The following GABRR3 variants were observed in gnomAD, a reference collection of about 807,000 sequenced individuals.
GABRR3 encodes gamma-aminobutyric acid receptor subunit rho-3.
A neutral mutation model predicts 43.2 loss-of-function variants in GABRR3; 29 were observed. That is an observed-to-expected ratio of 0.67 (90% CI 0.50 to 0.92). The LOEUF (loss-of-function observed/expected upper bound fraction) is 0.92, where lower values mean the gene tolerates loss of function less well. Ranked by LOEUF, GABRR3 falls within the 40% of genes least tolerant of loss-of-function variation. The pLI, the probability that GABRR3 is intolerant of heterozygous loss-of-function variation, is 0.00. For synonymous variants in GABRR3, 206 were observed against 195.9 expected (o/e 1.05, Z -0.43); for missense variants, 576 against 572.3 (o/e 1.01, Z -0.07).
In GABRR3 at chr3:97,992,830, G is replaced by A. The variant is rs372773991; in HGVS notation, c.1104+22C>T. On this transcript the variant is annotated intron_variant, in intron 9 of 9. Transcript: ENST00000621172. ...CTTTTCCACATTCCCCAAGGGATCT[G>A]ATAGTCAGAGCAAGGCTGTACCTTT... 11 of 1,573,150 alleles carry A rather than the reference G, an allele frequency of 7.0e-6. No individual in the cohort carries two copies. In the African/African-American group the frequency reaches 1.5e-4, roughly 21 times the overall value.
chr3:97,997,214 G>A (rs1024290887), intron 8 of GABRR3, among the ~76,000 whole-genome samples: 6 of 152,134 alleles, frequency 3.9e-5, no homozygotes, highest in African/African-American at 9.7e-5. Context: ...ATCACTGAAG[G>A]CTTTCGGCCA....
chr3:98,010,048 C>T (rs1464947867), intron 5 of GABRR3, among the ~76,000 whole-genome samples: 1 of 152,180 alleles, frequency 6.6e-6, no homozygotes, highest in African/African-American at 2.4e-5. Context: ...ATTGGCTCTG[C>T]TGTTGGCTGG....
At chr3:98,026,980 G>A (rs546363755) in intron 2 of GABRR3, among the ~76,000 whole-genome samples, 1 of 152,258 alleles carries the variant, frequency 6.6e-6, no homozygotes. Flanking sequence ...AAATGCAGAA[G>A]TTGGGAAAAG....
intron 3 of GABRR3, 133 bp downstream of exon 3, chr3:98,025,434 G>A (rs1468585666): frequency 1.2e-5 from 7 of 582,178 alleles, no homozygotes; most frequent in Non-Finnish European, 1.8e-5. Context: ...TAAAGAGAAG[G>A]TGATTGTAAA....
intron 3 of GABRR3, among the ~76,000 whole-genome samples, chr3:98,018,566 C>T (rs1448210856): frequency 6.6e-6 from 1 of 152,066 alleles, no homozygotes; most frequent in Non-Finnish European, 1.5e-5. Context: ...TTCACCACTT[C>T]CAGTGTGAGT....
chr3:97,998,450 T>C (rs527962641), intron 8 of GABRR3: 3 of 152,270 alleles, frequency 2.0e-5, no homozygotes, highest in South Asian at 2.1e-4. Context: ...GATAGACCAA[T>C]GGATTGTAAT....
chr3:97,995,753 C>T (rs974849548), intron 8 of GABRR3, among the ~76,000 whole-genome samples: 2 of 152,086 alleles, frequency 1.3e-5, no homozygotes, highest in African/African-American at 2.4e-5. Context: ...ATATCTTGCG[C>T]CACCCCTCAA....
At chr3:98,018,321 T>C (rs1706899070) in intron 3 of GABRR3, among the ~76,000 whole-genome samples, 1 of 152,300 alleles carries the variant, frequency 6.6e-6, no homozygotes, top group African/African-American at 2.4e-5. Flanking sequence ...TTCCGAAGTG[T>C]CCCTTTGCAG....
chr3:98,003,482 T>C (rs568152726), intron 7 of GABRR3, among the ~76,000 whole-genome samples: 2 of 151,084 alleles, frequency 1.3e-5, no homozygotes, highest in East Asian at 3.9e-4. Context: ...TGTGGCTCTG[T>C]CTTGTGGTTT....
Position 98,033,804 on chromosome 3 carries a change from AGGTCTG to A in GABRR3, c.125+1053_125+1058del, listed in dbSNP as rs923603533. Among the ~76,000 whole-genome samples the A allele has an allele frequency of 1.2e-4, 18 of 152,288 alleles. 1 individual carries two copies. Among genetic ancestry groups the A allele is most frequent in the Non-Finnish European group, 8.8e-5 (6 of 68,022 alleles). On this transcript the variant is annotated intron_variant, in intron 2 of 9. Transcript: ENST00000621172. ...ATGGAACAAGACTTCATATCATCTC[AGGTCTG>A]GGTCTGGGAGCAGAAGCATGGAAGG...
At chr3:98,024,749 G>A (rs891540774) in intron 3 of GABRR3, among the ~76,000 whole-genome samples, 7 of 152,198 alleles carry the variant, frequency 4.6e-5, no homozygotes, top group Non-Finnish European at 1.0e-4. Context: ...ATCAATGAAA[G>A]AAGAATCAGG....
exon 8 of GABRR3, chr3:98,001,648 C>T (rs1706644141): frequency 1.2e-6 from 2 of 1,613,200 alleles, no homozygotes; most frequent in East Asian, 4.5e-5. Flanking sequence ...GCTCTTCGGT[C>T]AATCCAAAAT....
chr3:98,012,031 G>A (rs1706799537), intron 5 of GABRR3, among the ~76,000 whole-genome samples: 1 of 151,978 alleles, frequency 6.6e-6, no homozygotes, highest in Admixed American at 6.6e-5. Context: ...AGGGTGGGGT[G>A]GAGTTGGTGA....
chr3:97,987,115 C>T, intron 9 of GABRR3, 133 bp from the exon 10 acceptor site: 2 of 652,024 alleles, frequency 3.1e-6, no homozygotes, highest in Non-Finnish European at 2.5e-6. Context: ...TGTTTTTCAA[C>T]TTATTTTTTT....
At chr3:98,000,025 G>A (rs1706616672) in intron 8 of GABRR3, 1 of 151,450 alleles carries the variant, frequency 6.6e-6, no homozygotes, top group Non-Finnish European at 1.5e-5. Context: ...AATTATCTTT[G>A]AAAAAAAAGT....
intron 3 of GABRR3, among the ~76,000 whole-genome samples, chr3:98,023,287 G>C (rs1706974388): frequency 6.6e-6 from 1 of 152,084 alleles, no homozygotes; most frequent in South Asian, 2.1e-4. Flanking sequence ...TTTCCTCTAG[G>C]ATAGGAGCGA....
intron 7 of GABRR3, among the ~76,000 whole-genome samples, chr3:98,006,060 T>A (rs2107235325): frequency 6.6e-6 from 1 of 152,084 alleles, no homozygotes; most frequent in Non-Finnish European, 1.5e-5. Context: ...ACATTAAAAA[T>A]CCTGATAAAT....
chr3:98,029,408 G>A (rs1018685974), intron 2 of GABRR3, among the ~76,000 whole-genome samples: 1 of 152,088 alleles, frequency 6.6e-6, no homozygotes, highest in Admixed American at 6.5e-5. Context: ...GTGGTCTCAG[G>A]GGGACTAAGA....
chr3:98,016,361 A>G (rs556225135), intron 4 of GABRR3, among the ~76,000 whole-genome samples: 1 of 152,010 alleles, frequency 6.6e-6, no homozygotes, highest in Non-Finnish European at 1.5e-5. Flanking sequence ...GAAAGAACCT[A>G]GTACCTCCCC....
Sources: allele counts gnomAD v4.1 joint callset (sites outside exome capture counted in the v4.1 genomes callset), GRCh38; gene constraint gnomAD v4.1.1; transcripts MANE v1.5; gene names NCBI Gene and HGNC (gene_info 2026-07-23, HGNC 2026-07-21).